Variants in COL5A2 observed in about 807,000 individuals in gnomAD.
The protein encoded by COL5A2 is collagen alpha-2(V) chain.
COL5A2 carries 23 observed loss-of-function variants against 208.2 expected under a neutral mutation model. The observed-to-expected ratio is 0.11, with a 90% CI of 0.08 to 0.16. The LOEUF (loss-of-function observed/expected upper bound fraction) is 0.16. Among genes scored for constraint, COL5A2 ranks in the 10% least tolerant of loss-of-function variants. The pLI, the probability that COL5A2 is intolerant of heterozygous loss-of-function variation, is 1.00. For missense variants in COL5A2, 1,590 were observed against 1,956.4 expected (o/e 0.81, Z 3.53); for synonymous variants, 625 against 628.5 (o/e 0.99, Z 0.08).
chr2:189,380,938 T>C, the COL5A2 span, among the ~76,000 whole-genome samples: 6 of 152,004 alleles, frequency 3.9e-5, no homozygotes, highest in South Asian at 1.0e-3. Flanking sequence ...CCATCAAATA[T>C]GTGAATGAAA....
intron 17 of COL5A2, 81 bp downstream of exon 17, chr2:189,075,312 G>A: frequency 1.0e-6 from 1 of 991,220 alleles, no homozygotes; most frequent in East Asian, 2.5e-5. Context: ...TGTGGTGAGT[G>A]CTCTGTAAAT....
At chr2:189,408,206 T>C in the COL5A2 span, among the ~76,000 whole-genome samples, 1 of 152,172 alleles carries the variant, frequency 6.6e-6, no homozygotes, top group Non-Finnish European at 1.5e-5. Flanking sequence ...GATAATCCTA[T>C]ATGAATACAA....
At chr2:189,166,075 C>T (rs1688457903) in intron 1 of COL5A2, among the ~76,000 whole-genome samples, 1 of 152,140 alleles carries the variant, frequency 6.6e-6, no homozygotes, top group East Asian at 1.9e-4. Flanking sequence ...CTAAATAAAT[C>T]CCCCAAGACA....
chr2:189,190,203 T>C (rs989629547), intron 1 of COL5A2, among the ~76,000 whole-genome samples: 12 of 152,200 alleles, frequency 7.9e-5, no homozygotes, highest in Admixed American at 7.9e-4. Context: ...TCTTAAAGTA[T>C]GTGAGTGATA....
At chr2:189,381,457 G>C in the COL5A2 span, among the ~76,000 whole-genome samples, 12 of 151,918 alleles carry the variant, frequency 7.9e-5, no homozygotes, top group Non-Finnish European at 1.8e-4. Context: ...AGCAATGTCT[G>C]GAAAGATGTT....
intron 50 of COL5A2, among the ~76,000 whole-genome samples, chr2:189,040,516 T>C (rs1051160982): frequency 5.9e-5 from 9 of 152,120 alleles, no homozygotes; most frequent in South Asian, 2.1e-4. Flanking sequence ...CCACATCTCA[T>C]GTAGAGAGCA....
At chr2:189,326,759 T>C in the COL5A2 span, among the ~76,000 whole-genome samples, 1 of 151,080 alleles carries the variant, frequency 6.6e-6, no homozygotes, top group Non-Finnish European at 1.5e-5. Context: ...AGAAAAAGTA[T>C]AATAATAACA....
At chr2:189,255,608 G>A in the COL5A2 span, among the ~76,000 whole-genome samples, 1 of 152,138 alleles carries the variant, frequency 6.6e-6, no homozygotes, top group African/African-American at 2.4e-5. Context: ...TTTAAAATGT[G>A]AGCATGATTC....
chr2:189,159,289 T>G (rs1386384376), intron 1 of COL5A2, among the ~76,000 whole-genome samples: 2 of 152,218 alleles, frequency 1.3e-5, no homozygotes, highest in African/African-American at 4.8e-5. Flanking sequence ...TTCACAGGAA[T>G]CTATAGCTAA....
chr2:189,092,202 T>C, intron 7 of COL5A2, 108 bp downstream of exon 7: 1 of 773,372 alleles, frequency 1.3e-6, no homozygotes, highest in Non-Finnish European at 2.3e-6. Context: ...TTAACTGCTC[T>C]TACAGTCAAG....
chr2:189,174,349 G>A (rs910683955), intron 1 of COL5A2, among the ~76,000 whole-genome samples: 3 of 152,182 alleles, frequency 2.0e-5, no homozygotes, highest in Non-Finnish European at 2.9e-5. Flanking sequence ...AGAATGATTC[G>A]CCTAATCCAC....
At chr2:189,173,054 TC>T (rs1260702615) in intron 1 of COL5A2, among the ~76,000 whole-genome samples, 2 of 141,948 alleles carry the variant, frequency 1.4e-5, no homozygotes, top group Non-Finnish European at 3.0e-5. Context: ...CACTGCAGCC[TC>T]CCCCTCCCAG....
At chr2:189,360,466 T>C in the COL5A2 span, among the ~76,000 whole-genome samples, 1 of 152,196 alleles carries the variant, frequency 6.6e-6, no homozygotes, top group African/African-American at 2.4e-5. Context: ...AAATTTTTAA[T>C]TTCTTTTTTT....
the COL5A2 span, among the ~76,000 whole-genome samples, chr2:189,369,907 G>A: frequency 6.6e-6 from 1 of 152,146 alleles, no homozygotes; most frequent in Non-Finnish European, 1.5e-5. Context: ...ATTGATTAAA[G>A]ACCATAAACC....
chr2:189,198,218 A>G lies in COL5A2; in HGVS notation c.-42+26930T>C, dbSNP rs1689030866. Among the ~76,000 whole-genome samples, 3 of 152,298 alleles carry G rather than the reference A, an allele frequency of 2.0e-5. No individual in the cohort carries two copies. In the South Asian group the frequency reaches 6.2e-4, roughly 32 times the overall value. ...ACATGGATGCTGGGAGAATGAATGC[A>G]TAGGATATGTTAACTTTATATAATA... On this transcript the variant is annotated intron_variant, in intron 1 of 10. Coordinates refer to the COL5A2 transcript ENST00000649966.
At chr2:189,318,404 T>C in the COL5A2 span, among the ~76,000 whole-genome samples, 1 of 152,240 alleles carries the variant, frequency 6.6e-6, no homozygotes, top group African/African-American at 2.4e-5. Flanking sequence ...TTGATTTCTA[T>C]GCCAGCCTTG....
upstream of COL5A2, among the ~76,000 whole-genome samples, chr2:189,184,054 A>G (rs767437928): frequency 1.3e-5 from 2 of 152,234 alleles, no homozygotes; most frequent in African/African-American, 2.4e-5. Flanking sequence ...AAGGTCCCTG[A>G]TTCCACACAG....
At chr2:189,275,652 C>T in the COL5A2 span, among the ~76,000 whole-genome samples, 1 of 151,904 alleles carries the variant, frequency 6.6e-6, no homozygotes, top group East Asian at 1.9e-4. Context: ...GGGCTTTCAC[C>T]ATATTGGCCA....
At chr2:189,304,136 T>G in the COL5A2 span, among the ~76,000 whole-genome samples, 1 of 152,198 alleles carries the variant, frequency 6.6e-6, no homozygotes, top group Admixed American at 6.5e-5. Context: ...TTAAGTTTGC[T>G]GTTATATAAA....
Sources: gnomAD v4.1 joint callset for allele counts (sites outside exome capture counted in the v4.1 genomes callset) on GRCh38, gnomAD v4.1.1 for gene constraint, MANE v1.5 for transcripts, NCBI Gene and HGNC (gene_info 2026-07-23, HGNC 2026-07-21) for gene names.